Variants in FBXW9 observed in about 807,000 individuals in gnomAD.
FBXW9 encodes the protein F-box/WD repeat-containing protein 9.
A neutral mutation model predicts 55.8 loss-of-function variants in FBXW9; 38 were observed. That is an observed-to-expected ratio of 0.68 (90% CI 0.53 to 0.89). The LOEUF is 0.89. FBXW9 is among the 40% of genes least tolerant of loss of function. The pLI is 0.00. For synonymous variants in FBXW9, 289 were observed against 278.2 expected (o/e 1.04, Z -0.38); for missense variants, 590 against 619.4 (o/e 0.95, Z 0.50).
At chr19:12,692,064 CTT>C (rs34416243) in intron 3 of FBXW9, among the ~76,000 whole-genome samples, 5 of 141,756 alleles carry the variant, frequency 3.5e-5, no homozygotes, top group Non-Finnish European at 3.1e-5. Context: ...CCCAGGAACT[CTT>C]TTTTTTTTTT....
At chr19:12,695,015 G>A in intron 1 of FBXW9, 77 bp from the exon 2 acceptor site, 1 of 1,522,710 alleles carries the variant, frequency 6.6e-7, no homozygotes, top group African/African-American at 1.4e-5. Context: ...CCCAACCCTG[G>A]CTTCCAGGGA....
chr19:12,691,303 T>C, intron 4 of FBXW9, 39 bp downstream of exon 4: 1 of 1,612,452 alleles, frequency 6.2e-7, no homozygotes. Context: ...CCAGACAGGG[T>C]CCTATCCCCG....
rs1489908452 is a variant in FBXW9, at chr19:12,696,210, C to G, written c.372G>C (p.Ala124=). ...VSDHVTWRLR[A]LRRVRAPYPV... ...GGTAGGGCGCGCGTACGCGGCGTAG[C>G]GCGCGTAGCCTCCAGGTGACATGGT... is the stretch of plus-strand genomic sequence containing the variant. The change falls in exon 1 of 10, where the codon GCG becomes GCC. Residue 124 remains alanine, a synonymous_variant. Coordinates refer to ENST00000393261, the MANE Select transcript of FBXW9 (RefSeq NM_032301.3). 2 of 1,550,750 alleles carry G rather than the reference C, an allele frequency of 1.3e-6. No individual in the cohort carries two copies. Among genetic ancestry groups the G allele is most frequent in the Non-Finnish European group, 1.7e-6 (2 of 1,149,268 alleles).
At chr19:12,693,980 G>A (rs1217249926) in intron 3 of FBXW9, among the ~76,000 whole-genome samples, 1 of 151,428 alleles carries the variant, frequency 6.6e-6, no homozygotes, top group Non-Finnish European at 1.5e-5. Flanking sequence ...ACGAGGTCTG[G>A]AGATCGAGAC....
rs1279037033 is a variant in FBXW9 at position 12,690,160 on chromosome 19, C to T, written c.884-50G>A. ...GAGGGATATCAGAGCCCCTCGAAGG[C>T]CCCCCCCAGCCCATGAGAGCATCCC... On this transcript the variant is annotated intron_variant, in intron 5 of 9. Coordinates refer to ENST00000393261, the MANE Select transcript of FBXW9 (RefSeq NM_032301.3). 10 of 1,603,702 alleles carry T rather than the reference C, an allele frequency of 6.2e-6. No individual in the cohort carries two copies. In the South Asian group the frequency reaches 9.9e-5, roughly 16 times the overall value.
chr19:12,691,340 A>G lies in FBXW9; in HGVS notation c.791+2T>C, dbSNP rs756662905. 2.4e-5 allele frequency: 39 copies of G among 1,613,516 alleles called. No homozygotes were observed. Among genetic ancestry groups the G allele is most frequent in the African/African-American group, 4.0e-5 (3 of 74,832 alleles). ...AGGCCCCCTGCCCAGGCCCCCACAC[A>G]CTTTATCTCGCCGAACTGCTGCCCA... On this transcript the variant is annotated splice_donor_variant, in intron 4 of 9. Coordinates refer to ENST00000393261, the MANE Select transcript of FBXW9 (RefSeq NM_032301.3). LOFTEE classifies it high-confidence loss of function.
Position 12,696,324 on chromosome 19 carries a change from C to T in FBXW9, c.258G>A (p.Leu86=), listed in dbSNP as rs1417076591. The change falls in exon 1 of 10, where the codon CTG becomes CTA. Residue 86 remains leucine (L), a synonymous_variant. Transcript: ENST00000393261. Reference sequence around the variant, plus strand: ...CCAGGTAGGAGCAGATCTCGAGCAGCAGCTCCGGGGGAAGGCTCAGAAGGC... The same window carrying T: ...CCAGGTAGGAGCAGATCTCGAGCAGTAGCTCCGGGGGAAGGCTCAGAAGGC... ...EPGLLSLPPE[L]LLEICSYLDA... 6.3e-7 allele frequency: 1 copy of T among 1,590,128 alleles called. No homozygotes were observed. The highest frequency in any genetic ancestry group is 8.6e-7 in the Non-Finnish European group (1 of 1,169,070).
chr19:12,694,642 G>T lies in FBXW9; in HGVS notation c.630C>A (p.Asn210Lys). 1 of 1,614,182 alleles carries T rather than the reference G, an allele frequency of 6.2e-7. No individual in the cohort carries two copies. Among genetic ancestry groups the T allele is most frequent in the Non-Finnish European group, 8.5e-7 (1 of 1,180,034 alleles). Residue 210 changes from asparagine (N) to lysine (K), a missense_variant, in exon 3 of 10, where the codon AAC becomes AAA. By Grantham distance (94) the Asn-to-Lys change is moderately conservative. Coordinates refer to ENST00000393261, the MANE Select transcript of FBXW9 (RefSeq NM_032301.3). ...WDLRQLGTESNQVLIKTLGTK... is the reference protein window; with the variant it reads ...WDLRQLGTESKQVLIKTLGTK... Reference sequence around the variant, plus strand: ...TGCCTAAGGTCTTGATCAGAACCTGGTTGGACTCCGTCCCCAGCTGCCGCA... The same window carrying T: ...TGCCTAAGGTCTTGATCAGAACCTGTTTGGACTCCGTCCCCAGCTGCCGCA...
intron 1 of FBXW9, among the ~76,000 whole-genome samples, chr19:12,695,567 G>A (rs1324380833): frequency 6.6e-6 from 1 of 152,126 alleles, no homozygotes; most frequent in Non-Finnish European, 1.5e-5. Context: ...AAACACCCAA[G>A]CTGTAATACA....
At chr19:12,695,552 G>A (rs1319854807) in intron 1 of FBXW9, among the ~76,000 whole-genome samples, 5 of 152,204 alleles carry the variant, frequency 3.3e-5, no homozygotes, top group African/African-American at 9.6e-5. Flanking sequence ...CAGGTTAAGG[G>A]TATCAAACAC....
rs922420596 is a variant in FBXW9, at chr19:12,689,262, G to A, written c.1331C>T (p.Ala444Val). 1.2e-6 allele frequency: 2 copies of A among 1,614,112 alleles called. No individual in the cohort carries two copies. Among genetic ancestry groups the A allele is most frequent in the African/African-American group, 2.7e-5 (2 of 74,938 alleles). ...CTCTAGCGACAGGTCTCCAGAGCCG[G>A]CCACCACCAGGTTGCCCTCAGCACA... is the stretch of plus-strand genomic sequence containing the variant. ...RVCAEGNLVV[A>V]GSGDLSLEVW... The change falls in exon 10 of 10, where the codon GCC becomes GTC. Residue 444 changes from alanine (A) to valine (V), a missense_variant. Physicochemically the swap from Ala to Val is moderately conservative, Grantham distance 64. Transcript: ENST00000393261. This position sits in a 1 kb window ranked among gnomAD's most constrained non-coding sequence, Gnocchi z 5.9.
rs1447726247 is a variant in FBXW9 at position 12,696,507 on chromosome 19, G to T, written c.75C>A (p.Asp25Glu). Residue 25 changes from aspartate to glutamate, a missense_variant, in exon 1 of 10, where the codon GAC becomes GAA. Transcript: ENST00000393261. The stretch of plus-strand genomic sequence containing the variant: ...CGTAGGCCTTGGCCTGCGCGTCTGG[G>T]TCTGTCTCTGACTCTGGGTCCGAGT... ...DDDSDPESETDPDAQAKAYVA... is the reference protein window; with the variant it reads ...DDDSDPESETEPDAQAKAYVA... The T allele has an allele frequency of 1.9e-6, 3 of 1,612,856 alleles. No individual in the cohort carries two copies. The highest frequency in any genetic ancestry group is 4.5e-5 in the East Asian group (2 of 44,866).
chr19:12,694,785 A>G lies in FBXW9; in HGVS notation c.549+14T>C. 6.2e-7 allele frequency: 1 copy of G among 1,613,808 alleles called. No individual in the cohort carries two copies. The highest frequency in any genetic ancestry group is 8.5e-7 in the Non-Finnish European group (1 of 1,179,818). On this transcript the variant is annotated intron_variant, in intron 2 of 9. Transcript: ENST00000393261. ...TGGCCCACCCTGCCTGGCCCCCCAC[A>G]GACCCCGTCTCACCTGGAGCAGCAG...
At chr19:12,696,044 G>T in intron 1 of FBXW9, 129 bp downstream of exon 1, 1 of 1,000,038 alleles carries the variant, frequency 1.0e-6, no homozygotes, top group Non-Finnish European at 1.4e-6. Flanking sequence ...CCTCCAGCCT[G>T]AGCCAGGACA....
intron 3 of FBXW9, among the ~76,000 whole-genome samples, chr19:12,693,520 AAAAAAAAAAATATATATAT>A: frequency 3.0e-5 from 1 of 33,294 alleles, no homozygotes; most frequent in South Asian, 9.4e-4. Flanking sequence ...AAAAAAAAAA[AAAAAAAAAAATATATATAT>A]ATATATATAT....
At position 12,696,200 on chromosome 19, in the gene FBXW9, C is replaced by G. The variant is rs1342021356; in HGVS notation, c.382G>C (p.Val128Leu). ...TCCACCACTGGGTAGGGCGCGCGTA[C>G]GCGGCGTAGCGCGCGTAGCCTCCAG... ...VTWRLRALRR[V>L]RAPYPVVEEK... Residue 128 changes from valine (V) to leucine (L), a missense_variant, in exon 1 of 10, where the codon GTA becomes CTA. Transcript: ENST00000393261. The G allele has an allele frequency of 6.5e-7, 1 of 1,546,320 alleles. No individual in the cohort carries two copies. The highest frequency in any genetic ancestry group is 8.7e-7 in the Non-Finnish European group (1 of 1,147,660).
At chr19:12,690,216 A>C (rs1322275845) in intron 5 of FBXW9, 106 bp from the exon 6 acceptor site, 5 of 1,553,066 alleles carry the variant, frequency 3.2e-6, no homozygotes, top group Non-Finnish European at 4.3e-6. Flanking sequence ...AAAACCCTCG[A>C]TCTGCTCATT....
chr19:12,692,226 A>AT (rs145110867), intron 3 of FBXW9, among the ~76,000 whole-genome samples: 18,544 of 135,316 alleles, frequency 0.14, 2,758 homozygotes, highest in African/African-American at 0.38. Flanking sequence ...CACTCTGCTA[A>AT]TTTTTTTTTT....
In FBXW9 at chr19:12,696,373, C is replaced by T. The variant is rs6511833; in HGVS notation, c.209G>A (p.Arg70Lys). Residue 70 changes from arginine to lysine, a missense_variant, in exon 1 of 10, where the codon AGG becomes AAG. Physicochemically the swap from Arg to Lys is conservative, Grantham distance 26. Coordinates refer to ENST00000393261, the MANE Select transcript of FBXW9 (RefSeq NM_032301.3). The stretch of plus-strand genomic sequence containing the variant: ...GCCCGGCTCACTTACGGCCGAAACC[C>T]TGGACGCGGCCCGAGGCTCCGAAGC... ...PSASEPRAAS[R>K]VSAVSEPGLL... The T allele has an allele frequency of 0.036, 57,550 of 1,609,840 alleles. 8,607 individuals are homozygous for T. The African/African-American group carries it at 0.46, about 13-fold the overall frequency.
Sources: gnomAD v4.1 joint callset for allele counts (sites outside exome capture counted in the v4.1 genomes callset) on GRCh38, gnomAD v4.1.1 for gene constraint, Gnocchi (gnomAD v3.1) non-coding constraint, MANE v1.5 for transcripts, NCBI Gene and HGNC (gene_info 2026-07-23, HGNC 2026-07-21) for gene names.